IQGAP2: variants seen among roughly 807,000 people sequenced by gnomAD.
IQGAP2 encodes IQ motif containing GTPase activating protein 2.
In IQGAP2, 173 loss-of-function variants were observed where a neutral mutation model predicts 201.3. The observed-to-expected ratio is 0.86, with a 90% CI of 0.76 to 0.98. The LOEUF is 0.98. IQGAP2 is among the 50% of genes least tolerant of loss of function. The probability of loss-of-function intolerance (pLI) is 0.00; values close to 1 mark genes in which losing one functional copy is unlikely to be tolerated. For synonymous variants in IQGAP2, 675 were observed against 673.9 expected (o/e 1.00, Z -0.03); for missense variants, 1,687 against 1,864.8 (o/e 0.90, Z 1.76).
At chr5:76,560,396 A>G (rs901758420) in intron 2 of IQGAP2, among the ~76,000 whole-genome samples, 11 of 151,268 alleles carry the variant, frequency 7.3e-5, no homozygotes, top group African/African-American at 2.4e-4. Context: ...GTCTCAAGCA[A>G]TCCTCCCACC....
intron 2 of IQGAP2, among the ~76,000 whole-genome samples, chr5:76,558,599 C>A (rs1032776261): frequency 6.6e-6 from 1 of 152,136 alleles, no homozygotes; most frequent in Admixed American, 6.5e-5. Flanking sequence ...TTATTTGACA[C>A]AAGGCCCACA....
In IQGAP2 at chr5:76,693,509, A is replaced by G. The variant is rs1259389445; in HGVS notation, c.3993+67A>G. 3.8e-6 allele frequency: 4 copies of G among 1,040,238 alleles called. No individual in the cohort carries two copies. In the African/African-American group the frequency reaches 4.8e-5, roughly 13 times the overall value. 64.4% of individuals were successfully genotyped at this position (1,040,238 alleles called of 1,614,324 possible). ...GATTTTCTTCATAAATCTTTATGCC[A>G]TATGTTTATTATCTCAGAGAAACTG... On this transcript the variant is annotated intron_variant, in intron 31 of 35. Coordinates refer to ENST00000274364, the MANE Select transcript of IQGAP2 (RefSeq NM_006633.5).
At chr5:76,559,569 G>T (rs1331928868) in intron 2 of IQGAP2, among the ~76,000 whole-genome samples, 2 of 152,046 alleles carry the variant, frequency 1.3e-5, no homozygotes, top group African/African-American at 2.4e-5. Flanking sequence ...GTCTTCCCTG[G>T]GTTTTCTTCG....
intron 2 of IQGAP2, among the ~76,000 whole-genome samples, chr5:76,493,685 A>G (rs937517577): frequency 6.6e-6 from 1 of 152,144 alleles, no homozygotes; most frequent in South Asian, 2.1e-4. Flanking sequence ...TTAAGGCAGG[A>G]ATCAGCTTCT....
chr5:76,515,121 T>G (rs933518585), intron 2 of IQGAP2, among the ~76,000 whole-genome samples: 3 of 152,238 alleles, frequency 2.0e-5, no homozygotes, highest in Non-Finnish European at 4.4e-5. Flanking sequence ...GGTATTAATA[T>G]GTTTTAACCA....
At chr5:76,592,721 A>G (rs1746748097) in intron 8 of IQGAP2, 117 bp from the exon 9 acceptor site, 2 of 716,110 alleles carry the variant, frequency 2.8e-6, no homozygotes, top group East Asian at 5.2e-5. Flanking sequence ...AATGCTTGCA[A>G]TGAATTTAAA....
chr5:76,586,984 AACAT>A (rs1441412360), intron 5 of IQGAP2, among the ~76,000 whole-genome samples: 2 of 152,242 alleles, frequency 1.3e-5, no homozygotes, highest in Admixed American at 6.5e-5. Context: ...CTCTGCAAAG[AACAT>A]ACCAGTTATA....
At chr5:76,523,666 G>A (rs1758814334) in intron 2 of IQGAP2, among the ~76,000 whole-genome samples, 1 of 152,156 alleles carries the variant, frequency 6.6e-6, no homozygotes, top group African/African-American at 2.4e-5. Context: ...GCCCTGAATA[G>A]AATGGGGGCA....
At chr5:76,692,349 G>A (rs550994349) in intron 30 of IQGAP2, among the ~76,000 whole-genome samples, 21 of 152,134 alleles carry the variant, frequency 1.4e-4, no homozygotes, top group Non-Finnish European at 2.8e-4. Context: ...ATGGGGTTTC[G>A]CCATGTTGGC....
intron 5 of IQGAP2, among the ~76,000 whole-genome samples, chr5:76,579,315 T>A (rs554236523): frequency 1.3e-5 from 2 of 152,112 alleles, no homozygotes; most frequent in Non-Finnish European, 2.9e-5. Flanking sequence ...CTTTCAAACC[T>A]GCCATGATTA....
At chr5:76,702,786 C>G (rs1349827751) in intron 35 of IQGAP2, among the ~76,000 whole-genome samples, 196 bp downstream of exon 35, 1 of 140,440 alleles carries the variant, frequency 7.1e-6, no homozygotes, top group Non-Finnish European at 1.6e-5. Flanking sequence ...TGATATGCTT[C>G]TAGCTGGCAA....
intron 1 of IQGAP2, among the ~76,000 whole-genome samples, chr5:76,452,697 G>A (rs2150116818): frequency 6.6e-6 from 1 of 152,200 alleles, no homozygotes; most frequent in East Asian, 1.9e-4. Context: ...AAAGCCTAAT[G>A]GCTGCTGATG....
intron 13 of IQGAP2, chr5:76,617,507 T>C: frequency 8.9e-7 from 1 of 1,128,012 alleles, no homozygotes; most frequent in Non-Finnish European, 1.3e-6. Context: ...ATGGAGCTCC[T>C]TGCACTATGC....
intron 1 of IQGAP2, among the ~76,000 whole-genome samples, chr5:76,416,557 A>G (rs1408091223): frequency 1.3e-5 from 2 of 148,660 alleles, no homozygotes. Flanking sequence ...ACGGAGTCTC[A>G]CTCTGTCACC....
intron 5 of IQGAP2, among the ~76,000 whole-genome samples, chr5:76,584,394 A>G (rs550465704): frequency 1.2e-4 from 18 of 152,324 alleles, no homozygotes; most frequent in Non-Finnish European, 2.2e-4. Context: ...AACCCCTAAC[A>G]TGAAGTAAAC....
chr5:76,546,071 G>T (rs1178031853), intron 2 of IQGAP2, among the ~76,000 whole-genome samples: 1 of 152,196 alleles, frequency 6.6e-6, no homozygotes, highest in African/African-American at 2.4e-5. Flanking sequence ...TATAGCATGT[G>T]ATGGAAGTGG....
chr5:76,680,908 C>A (rs1745224193), intron 28 of IQGAP2, among the ~76,000 whole-genome samples: 1 of 150,406 alleles, frequency 6.6e-6, no homozygotes, highest in South Asian at 2.1e-4. Context: ...AGTTCAAGAC[C>A]AGCCTGGCCA....
chr5:76,623,240 C>A, intron 13 of IQGAP2: 1 of 1,614,110 alleles, frequency 6.2e-7, no homozygotes, highest in Non-Finnish European at 8.5e-7. Flanking sequence ...TTTTGATGAC[C>A]TGAGTCCCGT....
At chr5:76,592,460 T>C (rs911030687) in intron 8 of IQGAP2, among the ~76,000 whole-genome samples, 1 of 152,238 alleles carries the variant, frequency 6.6e-6, no homozygotes. Flanking sequence ...AGTACTTCTC[T>C]TATAGAACCT....
Sources: gnomAD v4.1 joint callset for allele counts (sites outside exome capture counted in the v4.1 genomes callset) on GRCh38, gnomAD v4.1.1 for gene constraint, MANE v1.5 for transcripts, NCBI Gene and HGNC (gene_info 2026-07-23, HGNC 2026-07-21) for gene names.